Variants in ZNF710 observed in about 807,000 individuals in gnomAD.
The protein encoded by ZNF710 is zinc finger protein 710.
In ZNF710, 13 loss-of-function variants were observed where a neutral mutation model predicts 50.6. That is an observed-to-expected ratio of 0.26 (90% CI 0.17 to 0.41). The LOEUF (loss-of-function observed/expected upper bound fraction) is 0.41. ZNF710 is among the 10% of genes least tolerant of loss of function. The probability of loss-of-function intolerance (pLI) is 1.00; values close to 1 mark genes in which losing one functional copy is unlikely to be tolerated. For missense variants in ZNF710, 721 were observed against 936.6 expected, an observed-to-expected ratio of 0.77 and a Z score of 3.01; for synonymous variants, 383 against 397.0, an observed-to-expected ratio of 0.96 and a Z score of 0.42.
chr15:90,033,837 A>G (rs1169314344), intron 1 of ZNF710, among the ~76,000 whole-genome samples: 1 of 152,174 alleles, frequency 6.6e-6, no homozygotes, highest in Non-Finnish European at 1.5e-5. Flanking sequence ...TGGCCTGGGT[A>G]TGGAAACGTG....
At chr15:90,071,429 CT>C (rs1900379899) in intron 2 of ZNF710, among the ~76,000 whole-genome samples, 2 of 152,090 alleles carry the variant, frequency 1.3e-5, no homozygotes, top group African/African-American at 4.8e-5. Flanking sequence ...GCAGGGCCCC[CT>C]GGTGGTCATA....
At chr15:90,029,191 A>G (rs891351334) in intron 1 of ZNF710, among the ~76,000 whole-genome samples, 1 of 152,196 alleles carries the variant, frequency 6.6e-6, no homozygotes, top group Non-Finnish European at 1.5e-5. Flanking sequence ...ATGAGTGCCC[A>G]CTGGGAAACC....
At chr15:90,008,744 G>A (rs1163205805) in intron 1 of ZNF710, among the ~76,000 whole-genome samples, 2 of 150,830 alleles carry the variant, frequency 1.3e-5, no homozygotes, top group Non-Finnish European at 2.9e-5. Context: ...TGGCCTCAGT[G>A]TACTCCAGCC....
In ZNF710 at chr15:90,066,474, A is replaced by ATTTTT. The variant is rs71461840; in HGVS notation, c.-28-619_-28-615dup. ...GCATTTTTGAATCCGATTTTTAAGGATTTTTTTTTTTTTTTTTTTTTGAGA... is the reference window on the plus strand; with the variant it reads ...GCATTTTTGAATCCGATTTTTAAGGATTTTTTTTTTTTTTTTTTTTTTTTTTGAGA... On this transcript the variant is annotated intron_variant, in intron 1 of 4. Transcript: ENST00000268154. Among the ~76,000 whole-genome samples, 315 of 120,510 alleles carry ATTTTT rather than the reference A, an allele frequency of 2.6e-3. 11 individuals are homozygous for ATTTTT. In the South Asian group the frequency reaches 0.031, roughly 12 times the overall value. The allele number at this position is 120,510 out of a possible 152,430, so 79.1% of individuals were successfully genotyped here.
chr15:90,081,216 C>A lies in ZNF710; in HGVS notation c.*1387C>A. The A allele has an allele frequency of 6.5e-6, 1 of 153,010 alleles. No homozygotes were observed. The highest frequency in any genetic ancestry group is 1.9e-4 in the East Asian group (1 of 5,210). 9.5% of individuals were successfully genotyped at this position (153,010 alleles called of 1,614,324 possible). ...TCAGCCAACAGCTAGCTCCCTCGCT[C>A]GCCTGCTCTCTTCCCCTCTGTTCCC... On this transcript the variant is annotated 3_prime_UTR_variant, in exon 5 of 5. Transcript: ENST00000268154.
chr15:90,065,486 G>A (rs374261816), intron 1 of ZNF710, among the ~76,000 whole-genome samples: 4 of 152,234 alleles, frequency 2.6e-5, no homozygotes, highest in Admixed American at 1.3e-4. Flanking sequence ...GAGAGGGCAC[G>A]AGGGCAGGCC....
In ZNF710 at chr15:90,034,483, G is replaced by A. The variant is rs547186522; in HGVS notation, c.-28-32627G>A. ...GTGTGTGTGTGTGTGTGTATTCTGT[G>A]CCTGTGGTGGTGGTGGCCATGGTGT... On this transcript the variant is annotated intron_variant, in intron 1 of 4. Coordinates refer to ENST00000268154, the MANE Select transcript of ZNF710 (RefSeq NM_198526.4). This position sits in a 1 kb window ranked among gnomAD's most constrained non-coding sequence, Gnocchi z 4.0. Among the ~76,000 whole-genome samples, 1 of 146,400 alleles carries A rather than the reference G, an allele frequency of 6.8e-6. No individual in the cohort carries two copies. Among genetic ancestry groups the A allele is most frequent in the African/African-American group, 2.5e-5 (1 of 40,452 alleles).
At chr15:90,022,392 A>G (rs1898651481) in intron 1 of ZNF710, among the ~76,000 whole-genome samples, 1 of 152,108 alleles carries the variant, frequency 6.6e-6, no homozygotes, top group South Asian at 2.1e-4. Flanking sequence ...ACAAAACAAA[A>G]CAAAAAGGAG....
intron 1 of ZNF710, among the ~76,000 whole-genome samples, chr15:90,056,837 G>A (rs755460064): frequency 6.6e-6 from 1 of 152,140 alleles, no homozygotes; most frequent in Non-Finnish European, 1.5e-5. Context: ...TGCAGCAGAC[G>A]CCCTGTTAGT....
chr15:90,057,403 A>G (rs1331122082), intron 1 of ZNF710, among the ~76,000 whole-genome samples: 2 of 152,102 alleles, frequency 1.3e-5, no homozygotes, highest in Middle Eastern at 3.4e-3. Flanking sequence ...ACTCTTGCTA[A>G]TTAACTTCGA....
At position 90,012,386 on chromosome 15, in the gene ZNF710, G is replaced by A. The variant is rs868714901; in HGVS notation, c.-29+10772G>A. On this transcript the variant is annotated intron_variant, in intron 1 of 4. Coordinates refer to ENST00000268154, the MANE Select transcript of ZNF710 (RefSeq NM_198526.4). ...TGGCTCACTGCAAGCTCCGCCCCCCGGGTTCACACCATTCCCCTGGACTAC... is the reference window on the plus strand; with the variant it reads ...TGGCTCACTGCAAGCTCCGCCCCCCAGGTTCACACCATTCCCCTGGACTAC... Among the ~76,000 whole-genome samples the A allele has an allele frequency of 3.7e-5, 5 of 136,926 alleles. 1 individual carries two copies. Among genetic ancestry groups the A allele is most frequent in the African/African-American group, 5.5e-5 (2 of 36,388 alleles). The allele number at this position is 136,926 out of a possible 152,430, so 89.8% of individuals were successfully genotyped here. A position where few individuals can be genotyped will look rare whatever the true frequency, so the allele number is the denominator to read the frequency against.
chr15:90,036,875 TC>T (rs1334027538), intron 1 of ZNF710, among the ~76,000 whole-genome samples: 1 of 152,200 alleles, frequency 6.6e-6, no homozygotes, highest in Non-Finnish European at 1.5e-5. Flanking sequence ...CAGCCACTGT[TC>T]CCAGTTCACA....
rs1222655844 is a variant in ZNF710 at position 90,082,122 on chromosome 15, T to G, written c.*2293T>G. On this transcript the variant is annotated 3_prime_UTR_variant, in exon 5 of 5. Transcript: ENST00000268154. ...AGATTCCACTTGTGCAAAGCCCTAC[T>G]GTGTTTTTATGTTCCTGTTTAAAAG... is the stretch of plus-strand genomic sequence containing the variant. 1 of 152,254 alleles carries G rather than the reference T, an allele frequency of 6.6e-6. No homozygotes were observed. The highest frequency in any genetic ancestry group is 1.9e-4 in the East Asian group (1 of 5,208). 9.4% of individuals were successfully genotyped at this position (152,254 alleles called of 1,614,324 possible). A position where few individuals can be genotyped will look rare whatever the true frequency, so the allele number is the denominator to read the frequency against.
chr15:90,007,885 T>C (rs1444452163), intron 1 of ZNF710, among the ~76,000 whole-genome samples: 1 of 151,972 alleles, frequency 6.6e-6, no homozygotes, highest in Non-Finnish European at 1.5e-5. Context: ...AGGAAGCACC[T>C]TGTGAATAGC....
intron 1 of ZNF710, among the ~76,000 whole-genome samples, chr15:90,055,463 A>G (rs550713582): frequency 6.6e-6 from 1 of 152,326 alleles, no homozygotes; most frequent in South Asian, 2.1e-4. Flanking sequence ...GACCAACCAG[A>G]CAAGTTCTGG....
At chr15:90,077,344 C>T (rs940088111) in intron 4 of ZNF710, among the ~76,000 whole-genome samples, 2 of 150,770 alleles carry the variant, frequency 1.3e-5, no homozygotes, top group Admixed American at 6.6e-5. Flanking sequence ...CCTGGGTTCA[C>T]GCCATTCTCC....
chr15:90,016,303 CG>C (rs1240792972), intron 1 of ZNF710, among the ~76,000 whole-genome samples: 1 of 152,034 alleles, frequency 6.6e-6, no homozygotes, highest in African/African-American at 2.4e-5. Flanking sequence ...ATTTTTAGAC[CG>C]AGAAACTGAA....
intron 1 of ZNF710, among the ~76,000 whole-genome samples, chr15:90,061,232 G>A (rs1322219158): frequency 6.6e-5 from 10 of 152,086 alleles, no homozygotes; most frequent in Non-Finnish European, 1.0e-4. Flanking sequence ...GTGCAGTGGC[G>A]TGATCTCAGC....
chr15:90,067,082 A>G lies in ZNF710; in HGVS notation c.-28-28A>G. On this transcript the variant is annotated intron_variant, in intron 1 of 4. Transcript: ENST00000268154. The surrounding 1 kb of genome is among the most constrained non-coding windows in gnomAD (Gnocchi z 8.1). ...CTGTCTGTGCAGGAGTGAGCCAGCAATATTAACCTTCCCTTCTCCACCCAC... is the reference window on the plus strand; with the variant it reads ...CTGTCTGTGCAGGAGTGAGCCAGCAGTATTAACCTTCCCTTCTCCACCCAC... 1 of 1,537,008 alleles carries G rather than the reference A, an allele frequency of 6.5e-7. No individual in the cohort carries two copies.
Sources: allele counts gnomAD v4.1 joint callset (sites outside exome capture counted in the v4.1 genomes callset), GRCh38; gene constraint gnomAD v4.1.1; non-coding constraint Gnocchi (gnomAD v3.1); transcripts MANE v1.5; gene names NCBI Gene and HGNC (gene_info 2026-07-23, HGNC 2026-07-21).